MBTD1: variants seen among roughly 807,000 people sequenced by gnomAD.
MBTD1 encodes MBT domain-containing protein 1.
In MBTD1, 24 loss-of-function variants were observed where a neutral mutation model predicts 87.8. The ratio of observed to expected loss-of-function variants is 0.27; its 90% CI spans 0.20 to 0.38. The LOEUF is 0.38. MBTD1 is among the 10% of genes least tolerant of loss of function. The pLI is 1.00. For synonymous variants in MBTD1, 237 were observed against 248.6 expected (o/e 0.95, Z 0.44); for missense variants, 436 against 760.2 (o/e 0.57, Z 5.02).
chr17:51,181,010 T>C (rs1450803394), intron 16 of MBTD1, among the ~76,000 whole-genome samples: 2 of 149,666 alleles, frequency 1.3e-5, no homozygotes, highest in African/African-American at 4.9e-5. Context: ...TTCATGGTTC[T>C]GAAGTACAAT....
At chr17:51,202,255 G>A (rs111864553) in intron 10 of MBTD1, among the ~76,000 whole-genome samples, 178 bp from the exon 11 acceptor site, 1 of 152,206 alleles carries the variant, frequency 6.6e-6, no homozygotes, top group South Asian at 2.1e-4. Flanking sequence ...GAGTACATGT[G>A]CATATATGCT....
Position 51,259,189 on chromosome 17 carries a change from C to A in MBTD1, c.-95G>T, listed in dbSNP as rs1568254641. ...AGGGGACGGCTGCTTTGGATGACCTCTAATGTCTCTTCCGACTCTGAAATG... is the reference window on the plus strand; with the variant it reads ...AGGGGACGGCTGCTTTGGATGACCTATAATGTCTCTTCCGACTCTGAAATG... On this transcript the variant is annotated 5_prime_UTR_variant, in exon 2 of 17. An upstream open reading frame in the 5' UTR loses its in-frame stop. Transcript: ENST00000586178. 4 of 1,137,704 alleles carry A rather than the reference C, an allele frequency of 3.5e-6. No homozygotes were observed. The African/African-American group carries it at 4.8e-5, about 14-fold the overall frequency. The allele number at this position is 1,137,704 out of a possible 1,614,324, so 70.5% of individuals were successfully genotyped here. A position where few individuals can be genotyped will look rare whatever the true frequency, so the allele number is the denominator to read the frequency against.
In MBTD1 at chr17:51,228,021, G is replaced by T. The variant is rs183115449; in HGVS notation, c.-48-2812C>A. Among the ~76,000 whole-genome samples the T allele has an allele frequency of 9.2e-5, 14 of 151,594 alleles. No homozygotes were observed. In the East Asian group the frequency reaches 2.7e-3, roughly 29 times the overall value. On this transcript the variant is annotated intron_variant, in intron 2 of 16. Coordinates refer to ENST00000586178, the MANE Select transcript of MBTD1 (RefSeq NM_017643.3). ...GATGGCAAATATTTCAGAAATTGTA[G>T]GAGATAATATTTCTACATATATATT...
At chr17:51,202,376 C>T (rs911028107) in intron 10 of MBTD1, among the ~76,000 whole-genome samples, 20 of 152,172 alleles carry the variant, frequency 1.3e-4, no homozygotes, top group Non-Finnish European at 2.8e-4. Flanking sequence ...AGTCTAACCA[C>T]ATTTAATCTT....
intron 2 of MBTD1, among the ~76,000 whole-genome samples, chr17:51,229,109 T>C (rs1474049898): frequency 6.6e-6 from 1 of 152,036 alleles, no homozygotes; most frequent in Non-Finnish European, 1.5e-5. Context: ...GCTGGAGGAC[T>C]GCCTGAGCCC....
At chr17:51,190,750 A>AAAAAAAATATATATATAT (rs1555677185) in intron 16 of MBTD1, among the ~76,000 whole-genome samples, 1 of 39,718 alleles carries the variant, frequency 2.5e-5, no homozygotes, top group African/African-American at 1.5e-4. Context: ...AAAAAAAAAA[A>AAAAAAAATATATATATAT]ATATATATAT....
At chr17:51,185,699 A>AGGT (rs2050504078) in intron 16 of MBTD1, 1 of 152,172 alleles carries the variant, frequency 6.6e-6, no homozygotes, top group Admixed American at 6.6e-5. Context: ...ACTTGTTCCC[A>AGGT]CGTCAAGTCA....
At chr17:51,253,208 A>T (rs889217629) in intron 2 of MBTD1, among the ~76,000 whole-genome samples, 1 of 152,198 alleles carries the variant, frequency 6.6e-6, no homozygotes, top group Non-Finnish European at 1.5e-5. Context: ...GCTCATATAC[A>T]CTTGGTAGGA....
chr17:51,184,384 A>C (rs928022130), intron 16 of MBTD1: 3 of 152,226 alleles, frequency 2.0e-5, no homozygotes, highest in Admixed American at 2.0e-4. Context: ...AGCTAACTGA[A>C]ATCATATTTT....
rs36024708 is a variant in MBTD1, at chr17:51,229,660, C to CTT, written c.-48-4453_-48-4452dup. On this transcript the variant is annotated intron_variant, in intron 2 of 16. Coordinates refer to ENST00000586178, the MANE Select transcript of MBTD1 (RefSeq NM_017643.3). ...CCACAGCCCAGGCATTTTTAGTATA[C>CTT]TTTTTTTTTTTTTTTTTTGAGACAG... is the stretch of plus-strand genomic sequence containing the variant. Among the ~76,000 whole-genome samples, 62 of 117,788 alleles carry CTT rather than the reference C, an allele frequency of 5.3e-4. 1 individual carries two copies. The highest frequency in any genetic ancestry group is 1.3e-3 in the African/African-American group (35 of 27,196). 77.3% of individuals were successfully genotyped at this position (117,788 alleles called of 152,430 possible). A position where few individuals can be genotyped will look rare whatever the true frequency, so the allele number is the denominator to read the frequency against.
intron 6 of MBTD1, among the ~76,000 whole-genome samples, chr17:51,215,927 A>ATTTTTTTT (rs35988235): frequency 5.3e-5 from 6 of 114,210 alleles, no homozygotes; most frequent in East Asian, 2.4e-4. Context: ...TAAAGCCCTA[A>ATTTTTTTT]TTTTTTTTTT....
chr17:51,210,041 G>A (rs907083342), intron 6 of MBTD1, among the ~76,000 whole-genome samples: 4 of 152,056 alleles, frequency 2.6e-5, no homozygotes, highest in East Asian at 1.9e-4. Flanking sequence ...TTACTCTGTC[G>A]CCCAGGCTGG....
intron 6 of MBTD1, among the ~76,000 whole-genome samples, chr17:51,211,045 A>G (rs1435751739): frequency 6.6e-6 from 1 of 150,462 alleles, no homozygotes; most frequent in African/African-American, 2.4e-5. Flanking sequence ...GCTGAGACAC[A>G]AGAATTGCTT....
At chr17:51,187,866 G>GAAAAAA (rs71149350) in intron 16 of MBTD1, among the ~76,000 whole-genome samples, 1 of 118,150 alleles carries the variant, frequency 8.5e-6, no homozygotes, top group African/African-American at 3.2e-5. Flanking sequence ...AAGAAAGAAA[G>GAAAAAA]AAAAAAAAAA....
At chr17:51,198,920 A>C (rs1442450098) in intron 12 of MBTD1, among the ~76,000 whole-genome samples, 3 of 151,976 alleles carry the variant, frequency 2.0e-5, no homozygotes, top group Non-Finnish European at 4.4e-5. Flanking sequence ...CTCTTGCCTT[A>C]GCCTTTCGAG....
In MBTD1 at chr17:51,225,123, G is replaced by C; in HGVS notation, c.39C>G (p.Ser13Arg). The C allele has an allele frequency of 6.4e-7, 1 of 1,551,332 alleles. No individual in the cohort carries two copies. Among genetic ancestry groups the C allele is most frequent in the Non-Finnish European group, 8.7e-7 (1 of 1,146,768 alleles). ...DGYDSCSEDT[S>R]SSSSSEESEE... is the part of the protein sequence containing the mutation. ...CACTCTCTTCGGAGCTGGAGCTGCT[G>C]CTTGTGTCCTCACTGCAGCTATCAT... The change falls in exon 3 of 17, where the codon AGC becomes AGG. Residue 13 changes from serine (S) to arginine (R), a missense_variant. Physicochemically the swap from Ser to Arg is moderately radical, Grantham distance 110. Transcript: ENST00000586178.
chr17:51,194,573 A>AAAAC, intron 13 of MBTD1, among the ~76,000 whole-genome samples: 1 of 146,164 alleles, frequency 6.8e-6, no homozygotes, highest in South Asian at 2.2e-4. Flanking sequence ...TCTCAAAAAA[A>AAAAC]AAAAAAAAAA....
chr17:51,199,041 C>T (rs757175662), intron 12 of MBTD1, among the ~76,000 whole-genome samples: 19 of 150,438 alleles, frequency 1.3e-4, no homozygotes, highest in Non-Finnish European at 2.2e-4. Flanking sequence ...AGTGATCCAC[C>T]TGCCTTGGAG....
chr17:51,179,484 T>TTA lies in MBTD1; in HGVS notation c.*1090_*1091dup, dbSNP rs56750454. ...ATCCTGAATACAATTAAAGACAATTTTATATATATATATATATATATATAT... is the reference window on the plus strand; with the variant it reads ...ATCCTGAATACAATTAAAGACAATTTTATATATATATATATATATATATATAT... On this transcript the variant is annotated 3_prime_UTR_variant, in exon 17 of 17. Transcript: ENST00000586178. 2.8e-3 allele frequency: 99 copies of TTA among 35,212 alleles called. 1 individual carries two copies. The highest frequency in any genetic ancestry group is 4.2e-3 in the Non-Finnish European group (71 of 16,968). The allele number at this position is 35,212 out of a possible 1,614,324, so 2.2% of individuals were successfully genotyped here. A position where few individuals can be genotyped will look rare whatever the true frequency, so the allele number is the denominator to read the frequency against.
Sources: allele counts gnomAD v4.1 joint callset (sites outside exome capture counted in the v4.1 genomes callset), GRCh38; gene constraint gnomAD v4.1.1; transcripts MANE v1.5; gene names NCBI Gene and HGNC (gene_info 2026-07-23, HGNC 2026-07-21).